The following CACNA1E variants were observed in gnomAD, a reference collection of about 807,000 sequenced individuals.
The protein encoded by CACNA1E is voltage-dependent R-type calcium channel subunit alpha-1E.
A neutral mutation model predicts 259.2 loss-of-function variants in CACNA1E; 40 were observed. The observed-to-expected ratio is 0.15, with a 90% CI of 0.12 to 0.20. The LOEUF (loss-of-function observed/expected upper bound fraction) is 0.20. Among genes scored for constraint, CACNA1E ranks in the 10% least tolerant of loss-of-function variants. The pLI is 1.00. For synonymous variants in CACNA1E, 1,104 were observed against 1,138.5 expected (o/e 0.97, Z 0.61); for missense variants, 1,874 against 3,040.1 (o/e 0.62, Z 9.02).
intron 1 of CACNA1E, among the ~76,000 whole-genome samples, chr1:181,352,784 G>A (rs976567489): frequency 1.3e-5 from 2 of 152,198 alleles, no homozygotes; most frequent in African/African-American, 4.8e-5. Flanking sequence ...GTGCCTGGGG[G>A]ACTGTGCCAG....
At chr1:181,356,579 C>G (rs1172352658) in intron 1 of CACNA1E, among the ~76,000 whole-genome samples, 1 of 152,220 alleles carries the variant, frequency 6.6e-6, no homozygotes, top group East Asian at 1.9e-4. Flanking sequence ...CATGCTCTTG[C>G]CTTTGCACAG....
chr1:181,376,873 C>G lies in CACNA1E; in HGVS notation c.-14-36260C>G, dbSNP rs371099740. ...TGGAGTTTTGTGGCCTTTGCTACTT[C>G]TGTACCCCTGAGGCTGTCAGGGATA... is the stretch of plus-strand genomic sequence containing the variant. On this transcript the variant is annotated intron_variant, in intron 1 of 11. Transcript: ENST00000524607. Among the ~76,000 whole-genome samples the G allele has an allele frequency of 4.6e-5, 7 of 152,102 alleles. No homozygotes were observed. In the East Asian group the frequency reaches 1.2e-3, roughly 25 times the overall value.
At chr1:181,557,472 C>T (rs1462370208) in intron 3 of CACNA1E, among the ~76,000 whole-genome samples, 1 of 152,222 alleles carries the variant, frequency 6.6e-6, no homozygotes, top group Admixed American at 6.5e-5. Flanking sequence ...GAACAGTCCT[C>T]TTGCTGACAG....
intron 2 of CACNA1E, among the ~76,000 whole-genome samples, chr1:181,421,771 C>A (rs1268848851): frequency 6.6e-6 from 1 of 152,212 alleles, no homozygotes; most frequent in Non-Finnish European, 1.5e-5. Context: ...CCAAACACTT[C>A]TCCATCCCCA....
At chr1:181,504,386 C>T (rs1665529748) in intron 1 of CACNA1E, among the ~76,000 whole-genome samples, 1 of 152,208 alleles carries the variant, frequency 6.6e-6, no homozygotes, top group African/African-American at 2.4e-5. Flanking sequence ...TTCTATCTGC[C>T]TGCCTGTCAG....
intron 2 of CACNA1E, among the ~76,000 whole-genome samples, chr1:181,477,235 T>A (rs1397818932): frequency 6.8e-6 from 1 of 146,782 alleles, no homozygotes; most frequent in Non-Finnish European, 1.5e-5. Flanking sequence ...TTCAAAGAGA[T>A]CTCTTTTGTA....
intron 6 of CACNA1E, among the ~76,000 whole-genome samples, chr1:181,589,085 T>C (rs1007983587): frequency 5.9e-5 from 9 of 152,222 alleles, no homozygotes; most frequent in Non-Finnish European, 1.3e-4. Flanking sequence ...GGGGTAATTA[T>C]TGTAATTGCA....
chr1:181,414,614 C>A (rs753918101), intron 2 of CACNA1E, among the ~76,000 whole-genome samples: 44 of 152,144 alleles, frequency 2.9e-4, no homozygotes, highest in Non-Finnish European at 4.0e-4. Flanking sequence ...GTATTTAGAG[C>A]CTTGCATACC....
chr1:181,586,536 A>G (rs1652085745), intron 6 of CACNA1E, among the ~76,000 whole-genome samples: 1 of 152,202 alleles, frequency 6.6e-6, no homozygotes, highest in South Asian at 2.1e-4. Context: ...GAGGAAAATT[A>G]GAAACCTGGT....
intron 6 of CACNA1E, among the ~76,000 whole-genome samples, chr1:181,637,151 A>T (rs16857880): frequency 0.18 from 26,716 of 152,164 alleles, 2,431 homozygotes; most frequent in South Asian, 0.28. Flanking sequence ...CTGTAGCTAT[A>T]TGAGAAAGCA....
intron 7 of CACNA1E, among the ~76,000 whole-genome samples, chr1:181,672,358 A>G (rs1648897317): frequency 6.6e-6 from 1 of 152,316 alleles, no homozygotes; most frequent in South Asian, 2.1e-4. Context: ...CTGTACATGT[A>G]CCCCAAACCT....
intron 7 of CACNA1E, among the ~76,000 whole-genome samples, chr1:181,704,322 C>A (rs959010484): frequency 3.3e-5 from 5 of 152,158 alleles, no homozygotes; most frequent in African/African-American, 9.7e-5. Context: ...TGAAGAGGCT[C>A]ACCCTAACCC....
intron 3 of CACNA1E, among the ~76,000 whole-genome samples, chr1:181,522,569 A>G (rs932229054): frequency 5.9e-5 from 9 of 152,234 alleles, no homozygotes; most frequent in African/African-American, 2.2e-4. Context: ...ATGACACATC[A>G]TGATGCTGAA....
chr1:181,330,898 C>A (rs1651207837), intron 1 of CACNA1E, among the ~76,000 whole-genome samples: 1 of 152,170 alleles, frequency 6.6e-6, no homozygotes, highest in Non-Finnish European at 1.5e-5. Flanking sequence ...TAGAAACAAT[C>A]AACAAATATT....
At chr1:181,479,287 T>C (rs1438290210), upstream of CACNA1E, among the ~76,000 whole-genome samples, 1 of 152,200 alleles carries the variant, frequency 6.6e-6, no homozygotes, top group Non-Finnish European at 1.5e-5. Flanking sequence ...CTCTGAGGCA[T>C]GGTGCATGGG....
chr1:181,349,989 G>A lies in CACNA1E; in HGVS notation c.-15+31866G>A, dbSNP rs544895762. Among the ~76,000 whole-genome samples the A allele has an allele frequency of 3.3e-5, 5 of 152,182 alleles. No homozygotes were observed. The South Asian group carries it at 6.2e-4, about 19-fold the overall frequency. ...TGAGATATTCTGGGTAAAGAACCTC[G>A]CCTCCTCAACTTTGCTGTCCCTGAG... On this transcript the variant is annotated intron_variant, in intron 1 of 11. Transcript: ENST00000524607.
intron 3 of CACNA1E, among the ~76,000 whole-genome samples, chr1:181,565,937 G>A (rs756217469): frequency 2.6e-5 from 4 of 152,052 alleles, no homozygotes; most frequent in Admixed American, 6.5e-5. Flanking sequence ...GAAATCCCTC[G>A]CCACTGCTAG....
At chr1:181,408,704 CA>C (rs1657636590) in intron 1 of CACNA1E, among the ~76,000 whole-genome samples, 1 of 152,216 alleles carries the variant, frequency 6.6e-6, no homozygotes, top group South Asian at 2.1e-4. Context: ...TTTAAAATCA[CA>C]CCCTCTGCTC....
intron 7 of CACNA1E, among the ~76,000 whole-genome samples, chr1:181,671,170 A>G (rs1423302970): frequency 3.3e-5 from 5 of 152,144 alleles, no homozygotes; most frequent in Admixed American, 6.5e-5. Flanking sequence ...AGTAGCTGGG[A>G]CTACAGGTGC....
Sources: allele counts gnomAD v4.1 joint callset (sites outside exome capture counted in the v4.1 genomes callset), GRCh38; gene constraint gnomAD v4.1.1; transcripts MANE v1.5; gene names NCBI Gene and HGNC (gene_info 2026-07-23, HGNC 2026-07-21).